The following R3HDM4 variants were observed in gnomAD, a reference collection of about 807,000 sequenced individuals.
R3HDM4 encodes the protein R3H domain containing 4, also known as R3H domain-containing protein 4.
A neutral mutation model predicts 31.3 loss-of-function variants in R3HDM4; 30 were observed. That is an observed-to-expected ratio of 0.96 (90% CI 0.72 to 1.30). The LOEUF (loss-of-function observed/expected upper bound fraction) is 1.30. Among genes scored for constraint, R3HDM4 ranks in the 50% most tolerant of loss-of-function variants. R3HDM4 has a pLI of 0.00. For missense variants in R3HDM4, 444 were observed against 366.1 expected, an observed-to-expected ratio of 1.21 and a Z score of -1.74; for synonymous variants, 196 against 156.6, an observed-to-expected ratio of 1.25 and a Z score of -1.88.
chr19:899,956 T>C lies in R3HDM4; in HGVS notation c.561+105A>G. The C allele has an allele frequency of 8.1e-7, 1 of 1,228,016 alleles. No homozygotes were observed. Among genetic ancestry groups the C allele is most frequent in the Non-Finnish European group, 1.2e-6 (1 of 844,136 alleles). The allele number at this position is 1,228,016 out of a possible 1,614,324, so 76.1% of individuals were successfully genotyped here. A position where few individuals can be genotyped will look rare whatever the true frequency, so the allele number is the denominator to read the frequency against. On this transcript the variant is annotated intron_variant, in intron 5 of 7. Coordinates refer to ENST00000361574, the MANE Select transcript of R3HDM4 (RefSeq NM_138774.4). The surrounding 1 kb of genome is among the most constrained non-coding windows in gnomAD (Gnocchi z 6.8). ...TGCCGCTGTCTGTATCCTGCCCTGT[T>C]TCCCCTGACACGACCTGCACCGGGT...
At position 897,232 on chromosome 19, in the gene R3HDM4, A is replaced by T; in HGVS notation, c.*205T>A. ...ACAAGTCCCGGAGTGGGAAGCTTGG[A>T]GCTGGGATGGCATGGGCAGCCCCAG... On this transcript the variant is annotated 3_prime_UTR_variant, in exon 8 of 8. Coordinates refer to ENST00000361574, the MANE Select transcript of R3HDM4 (RefSeq NM_138774.4). 1.9e-6 allele frequency: 1 copy of T among 516,410 alleles called. No individual in the cohort carries two copies. The highest frequency in any genetic ancestry group is 3.4e-6 in the Non-Finnish European group (1 of 293,090). The allele number at this position is 516,410 out of a possible 1,614,324, so 32.0% of individuals were successfully genotyped here. A position where few individuals can be genotyped will look rare whatever the true frequency, so the allele number is the denominator to read the frequency against.
chr19:899,109 C>T lies in R3HDM4; in HGVS notation c.703+331G>A, dbSNP rs924431392. Among the ~76,000 whole-genome samples the T allele has an allele frequency of 1.3e-5, 2 of 152,048 alleles. No individual in the cohort carries two copies. The highest frequency in any genetic ancestry group is 2.4e-5 in the African/African-American group (1 of 41,402). On this transcript the variant is annotated intron_variant, in intron 7 of 7. Transcript: ENST00000361574. The surrounding 1 kb of genome is among the most constrained non-coding windows in gnomAD (Gnocchi z 6.8). ...AATGCAAACCTTCCAGACACTGCGT[C>T]CCCCCATCTTATCTCTGGCTCTGGG...
intron 7 of R3HDM4, among the ~76,000 whole-genome samples, chr19:898,867 A>G (rs1378491033): frequency 6.6e-6 from 1 of 152,126 alleles, no homozygotes; most frequent in Non-Finnish European, 1.5e-5. Context: ...TCCGGTTGCC[A>G]TGGAAACTGT....
In R3HDM4 at chr19:899,369, C is replaced by T. The variant is rs867368125; in HGVS notation, c.703+71G>A. 5.3e-6 allele frequency: 8 copies of T among 1,504,960 alleles called. No homozygotes were observed. The highest frequency in any genetic ancestry group is 6.5e-6 in the Non-Finnish European group (7 of 1,082,504). 93.2% of individuals were successfully genotyped at this position (1,504,960 alleles called of 1,614,324 possible). On this transcript the variant is annotated intron_variant, in intron 7 of 7. Transcript: ENST00000361574. The surrounding 1 kb of genome is among the most constrained non-coding windows in gnomAD (Gnocchi z 6.8). ...CCAAGCCCCACTCTGAGGAACCAGG[C>T]CCCTGGGACCCTGGCCACTTTCCCA...
chr19:901,035 C>T (rs1404455750), intron 3 of R3HDM4, 83 bp from the exon 4 acceptor site: 6 of 1,464,304 alleles, frequency 4.1e-6, no homozygotes, highest in South Asian at 2.8e-5. Context: ...ACGGTAAGGC[C>T]GCCAAGCACG....
chr19:905,057 A>T lies in R3HDM4; in HGVS notation c.72-2927T>A, dbSNP rs186127923. Among the ~76,000 whole-genome samples the T allele has an allele frequency of 1.7e-4, 26 of 150,526 alleles. 1 individual carries two copies. In the East Asian group the frequency reaches 2.8e-3, roughly 16 times the overall value. ...CCCCGTCTCTACTAAAAATACAAAA[A>T]ATAAGCCGGGCGTGGTGGCATGCAC... On this transcript the variant is annotated intron_variant, in intron 1 of 7. Transcript: ENST00000361574.
intron 4 of R3HDM4, among the ~76,000 whole-genome samples, 178 bp from the exon 5 acceptor site, chr19:900,324 G>C (rs2036811402): frequency 1.3e-5 from 2 of 150,790 alleles, no homozygotes; most frequent in Admixed American, 6.6e-5. Flanking sequence ...CTACCCCCAC[G>C]AGGCCCTGAC....
intron 1 of R3HDM4, chr19:902,384 T>C: frequency 2.1e-6 from 1 of 484,850 alleles, no homozygotes; most frequent in Non-Finnish European, 3.7e-6. Flanking sequence ...CTGAGGCCGG[T>C]GGATCACTTG....
chr19:904,456 A>C (rs2036878240), intron 1 of R3HDM4, among the ~76,000 whole-genome samples: 1 of 152,230 alleles, frequency 6.6e-6, no homozygotes, highest in Non-Finnish European at 1.5e-5. Context: ...TCCCAACACA[A>C]AAATTAAAAG....
rs2036751422 is a variant in R3HDM4, at chr19:897,303, G to A, written c.*134C>T. 2 of 654,906 alleles carry A rather than the reference G, an allele frequency of 3.1e-6. No individual in the cohort carries two copies. The highest frequency in any genetic ancestry group is 5.2e-6 in the Non-Finnish European group (2 of 387,164). The allele number at this position is 654,906 out of a possible 1,614,324, so 40.6% of individuals were successfully genotyped here. On this transcript the variant is annotated 3_prime_UTR_variant, in exon 8 of 8. Transcript: ENST00000361574. ...CCAAGAGCTGCGTGAGGAGGGGGCAGAGTGAGAGAGACCACCCCAAGCGAA... is the reference window on the plus strand; with the variant it reads ...CCAAGAGCTGCGTGAGGAGGGGGCAAAGTGAGAGAGACCACCCCAAGCGAA...
chr19:908,051 G>GAGTGGTGGCGCACGCCTGT (rs2036928149), intron 1 of R3HDM4, among the ~76,000 whole-genome samples: 1 of 152,098 alleles, frequency 6.6e-6, no homozygotes, highest in Non-Finnish European at 1.5e-5. Flanking sequence ...AATTAGCCAG[G>GAGTGGTGGCGCACGCCTGT]AGTGGTGGCG....
chr19:901,478 G>T lies in R3HDM4; in HGVS notation c.295C>A (p.Pro99Thr). The change falls in exon 3 of 8, where the codon CCC becomes ACC. Residue 99 changes from proline to threonine, a missense_variant. Coordinates refer to ENST00000361574, the MANE Select transcript of R3HDM4 (RefSeq NM_138774.4). ...GCAAAGATGCCTGGTGATGCAGGGG[G>T]TGCCAAGTCCCCATCCTCCAGGCCA... ...LPGLEDGDLA[P>T]PASPGIFAEA... 1.2e-6 allele frequency: 2 copies of T among 1,609,596 alleles called. No individual in the cohort carries two copies. The highest frequency in any genetic ancestry group is 2.2e-5 in the South Asian group (2 of 90,716).
Position 899,563 on chromosome 19 carries a change from G to A in R3HDM4, c.647+38C>T. ...TGGGGTGTCCGCCCACCTGGCCGCAGCCTCGGAGGGTCCGCTCGCCTGGCC... is the reference window on the plus strand; with the variant it reads ...TGGGGTGTCCGCCCACCTGGCCGCAACCTCGGAGGGTCCGCTCGCCTGGCC... On this transcript the variant is annotated intron_variant, in intron 6 of 7. Coordinates refer to ENST00000361574, the MANE Select transcript of R3HDM4 (RefSeq NM_138774.4). The surrounding 1 kb of genome is among the most constrained non-coding windows in gnomAD (Gnocchi z 6.8). 1 of 1,612,180 alleles carries A rather than the reference G, an allele frequency of 6.2e-7. No individual in the cohort carries two copies. The highest frequency in any genetic ancestry group is 8.5e-7 in the Non-Finnish European group (1 of 1,179,084).
In R3HDM4 at chr19:913,126, G is replaced by C; in HGVS notation, c.32C>G (p.Pro11Arg). 1 of 1,088,694 alleles carries C rather than the reference G, an allele frequency of 9.2e-7. No homozygotes were observed. Among genetic ancestry groups the C allele is most frequent in the African/African-American group, 1.7e-5 (1 of 59,238 alleles). 67.4% of individuals were successfully genotyped at this position (1,088,694 alleles called of 1,614,324 possible). The change falls in exon 1 of 8, where the codon CCG becomes CGG. Residue 11 changes from proline (P) to arginine (R), a missense_variant. By Grantham distance (103) the Pro-to-Arg change is moderately radical (BLOSUM62 -2). Transcript: ENST00000361574. This position sits in a 1 kb window ranked among gnomAD's most constrained non-coding sequence, Gnocchi z 5.0. MVALENPECG[P>R]EAAEGTPGGR... ...GCCCGGGGTGCCCTCCGCCGCCTCC[G>C]GGCCGCACTCGGGGTTCTCCAGCGC...
In R3HDM4 at chr19:897,020, GTGGGGCGAGTTTTTT is replaced by G; in HGVS notation, c.*402_*416del. 1 of 163,962 alleles carries G rather than the reference GTGGGGCGAGTTTTTT, an allele frequency of 6.1e-6. No individual in the cohort carries two copies. Among genetic ancestry groups the G allele is most frequent in the Non-Finnish European group, 1.3e-5 (1 of 75,220 alleles). 10.2% of individuals were successfully genotyped at this position (163,962 alleles called of 1,614,324 possible). A position where few individuals can be genotyped will look rare whatever the true frequency, so the allele number is the denominator to read the frequency against. ...TGGGACCAAGACCCATGTTTTACCA[GTGGGGCGAGTTTTTT>G]TGGTTTTTCTCTCCAAAAGGGAAAT... On this transcript the variant is annotated 3_prime_UTR_variant, in exon 8 of 8. Transcript: ENST00000361574.
rs2036744018 is a variant in R3HDM4 at position 896,815 on chromosome 19, G to T, written c.*622C>A. The T allele has an allele frequency of 6.6e-6, 1 of 152,496 alleles. No individual in the cohort carries two copies. 9.4% of individuals were successfully genotyped at this position (152,496 alleles called of 1,614,324 possible). On this transcript the variant is annotated 3_prime_UTR_variant, in exon 8 of 8. Transcript: ENST00000361574. The surrounding 1 kb of genome is among the most constrained non-coding windows in gnomAD (Gnocchi z 4.0). Reference sequence around the variant, plus strand: ...CCCTGAGCCCCGACACAGGTGGCGTGGGGGAGGACACGCAGAATGACGAGG... The same window carrying T: ...CCCTGAGCCCCGACACAGGTGGCGTTGGGGAGGACACGCAGAATGACGAGG...
At chr19:909,441 G>C (rs60906526) in intron 1 of R3HDM4, among the ~76,000 whole-genome samples, 149 of 152,140 alleles carry the variant, frequency 9.8e-4, no homozygotes, top group African/African-American at 3.5e-3. Flanking sequence ...AGAGACTGAC[G>C]GCTGAGAGCG....
intron 1 of R3HDM4, among the ~76,000 whole-genome samples, chr19:909,102 G>C (rs1201790261): frequency 6.6e-6 from 1 of 152,222 alleles, no homozygotes; most frequent in Non-Finnish European, 1.5e-5. Context: ...CTGAAGGCTC[G>C]AGGATGTGTG....
chr19:900,855 G>T lies in R3HDM4; in HGVS notation c.449C>A (p.Pro150His), dbSNP rs913866296. The T allele has an allele frequency of 2.4e-5, 37 of 1,525,520 alleles. No individual in the cohort carries two copies. The highest frequency in any genetic ancestry group is 1.1e-4 in the South Asian group (9 of 83,686). 94.5% of individuals were successfully genotyped at this position (1,525,520 alleles called of 1,614,324 possible). Reference protein sequence around the residue: ...EGRSKARRRGPGRGEDRRRED... With the variant: ...EGRSKARRRGHGRGEDRRRED... ...TCTCCTCCGGTCCTCCCCACGGCCA[G>T]GGCCCCTCCTCCGCGCCTTGCTCCT... The change falls in exon 4 of 8, where the codon CCT becomes CAT. Residue 150 changes from proline to histidine, a missense_variant. By Grantham distance (77) the Pro-to-His change is moderately conservative. Coordinates refer to ENST00000361574, the MANE Select transcript of R3HDM4 (RefSeq NM_138774.4).
Sources: gnomAD v4.1 joint callset for allele counts (sites outside exome capture counted in the v4.1 genomes callset) on GRCh38, gnomAD v4.1.1 for gene constraint, Gnocchi (gnomAD v3.1) non-coding constraint, MANE v1.5 for transcripts, NCBI Gene and HGNC (gene_info 2026-07-23, HGNC 2026-07-21) for gene names.